FAM163A: variants seen among roughly 807,000 people sequenced by gnomAD.
The protein encoded by FAM163A is protein FAM163A.
FAM163A carries 7 observed loss-of-function variants against 12.0 expected under a neutral mutation model. That is an observed-to-expected ratio of 0.58 (90% CI 0.33 to 1.10). The LOEUF (loss-of-function observed/expected upper bound fraction) is 1.10. FAM163A is among the 50% of genes least tolerant of loss of function. The pLI is 0.03. For synonymous variants in FAM163A, 101 were observed against 91.0 expected (o/e 1.11, Z -0.62); for missense variants, 202 against 218.6 (o/e 0.92, Z 0.48).
chr1:179,744,458 G>T (rs1273560812), intron 1 of FAM163A, among the ~76,000 whole-genome samples: 1 of 152,136 alleles, frequency 6.6e-6, no homozygotes, highest in Non-Finnish European at 1.5e-5. Flanking sequence ...CCGCGCGCCG[G>T]GGCCCTGGGT....
At chr1:179,761,922 T>G (rs961766876) in intron 1 of FAM163A, among the ~76,000 whole-genome samples, 1 of 152,162 alleles carries the variant, frequency 6.6e-6, no homozygotes, top group Non-Finnish European at 1.5e-5. Flanking sequence ...ATTTTAGAGC[T>G]GTTGAAACGG....
At chr1:179,789,418 G>C (rs560413359) in intron 1 of FAM163A, among the ~76,000 whole-genome samples, 3 of 152,228 alleles carry the variant, frequency 2.0e-5, no homozygotes, top group Non-Finnish European at 4.4e-5. Flanking sequence ...CTGACCTCAG[G>C]TGATCTGCCC....
intron 1 of FAM163A, among the ~76,000 whole-genome samples, chr1:179,772,091 A>G (rs1041074875): frequency 3.3e-5 from 5 of 151,996 alleles, no homozygotes; most frequent in Admixed American, 6.6e-5. Flanking sequence ...TTGCATTTCA[A>G]TTTCACTGAA....
intron 1 of FAM163A, among the ~76,000 whole-genome samples, chr1:179,755,252 C>A (rs1392277852): frequency 6.6e-6 from 1 of 151,836 alleles, no homozygotes; most frequent in Non-Finnish European, 1.5e-5. Context: ...GGGTTATAAC[C>A]AAGATTCACT....
chr1:179,727,861 CACTG>C, the FAM163A span, among the ~76,000 whole-genome samples: 1 of 152,122 alleles, frequency 6.6e-6, no homozygotes, highest in Non-Finnish European at 1.5e-5. Context: ...TGGTGTCAAA[CACTG>C]ACAAAATATT....
chr1:179,798,232 G>GCCTGGGCC (rs1692644709), intron 1 of FAM163A, among the ~76,000 whole-genome samples: 1 of 151,348 alleles, frequency 6.6e-6, no homozygotes, highest in Non-Finnish European at 1.5e-5. Context: ...AAAAAAAAAA[G>GCCTGGGCC]AATATAAGGC....
chr1:179,739,450 T>C (rs570561744), upstream of FAM163A, among the ~76,000 whole-genome samples: 5 of 152,360 alleles, frequency 3.3e-5, 1 homozygote, highest in African/African-American at 1.2e-4. Context: ...CATGGCCCAC[T>C]GGCCACAAGC....
intron 1 of FAM163A, among the ~76,000 whole-genome samples, chr1:179,793,415 AT>A (rs1691807208): frequency 6.6e-6 from 1 of 152,242 alleles, no homozygotes; most frequent in African/African-American, 2.4e-5. Context: ...CTCATCATCT[AT>A]CTACCTAGTG....
At chr1:179,791,363 G>A (rs1433050680) in intron 1 of FAM163A, among the ~76,000 whole-genome samples, 2 of 152,148 alleles carry the variant, frequency 1.3e-5, no homozygotes, top group African/African-American at 4.8e-5. Flanking sequence ...ACCCAAAGCT[G>A]CTTCCCGGGC....
At chr1:179,732,862 C>G in the FAM163A span, among the ~76,000 whole-genome samples, 8 of 108,838 alleles carry the variant, frequency 7.4e-5, no homozygotes, top group Admixed American at 2.9e-4. Flanking sequence ...GCCTGGGCAA[C>G]AGAGTGAGAC....
Position 179,753,792 on chromosome 1 carries a change from T to A in FAM163A, c.-136+10369T>A, listed in dbSNP as rs192374846. ...GTGTGATGAGCACTAGGAGAAAGAC[T>A]CGGTGAAGAGAGAAAGGGTGAGGAC... is the stretch of plus-strand genomic sequence containing the variant. On this transcript the variant is annotated intron_variant, in intron 1 of 4. Transcript: ENST00000341785. Among the ~76,000 whole-genome samples the A allele has an allele frequency of 3.3e-5, 5 of 152,258 alleles. No homozygotes were observed. The East Asian group carries it at 9.7e-4, about 29-fold the overall frequency.
chr1:179,739,561 TGTTA>T (rs1683394127), upstream of FAM163A, among the ~76,000 whole-genome samples: 1 of 152,166 alleles, frequency 6.6e-6, no homozygotes, highest in Non-Finnish European at 1.5e-5. Flanking sequence ...CATCAGCTGT[TGTTA>T]GTGTTTTTTA....
chr1:179,770,545 T>A (rs1688139172), intron 1 of FAM163A, among the ~76,000 whole-genome samples: 1 of 152,158 alleles, frequency 6.6e-6, no homozygotes, highest in Admixed American at 6.5e-5. Flanking sequence ...TCCAGTCTCA[T>A]TTTTCATCTC....
chr1:179,770,262 G>T (rs1382824051), intron 1 of FAM163A, among the ~76,000 whole-genome samples: 1 of 151,992 alleles, frequency 6.6e-6, no homozygotes, highest in East Asian at 1.9e-4. Context: ...GATTGAATTT[G>T]CCTCCTAAAT....
At chr1:179,805,544 CAA>C (rs201616237) in intron 1 of FAM163A, among the ~76,000 whole-genome samples, 4 of 127,112 alleles carry the variant, frequency 3.1e-5, no homozygotes, top group Non-Finnish European at 1.7e-5. Flanking sequence ...AACTCCGTCT[CAA>C]AAAAAAAAAA....
At chr1:179,811,409 T>C (rs1259419259) in intron 2 of FAM163A, among the ~76,000 whole-genome samples, 20 of 151,470 alleles carry the variant, frequency 1.3e-4, no homozygotes, top group Admixed American at 1.3e-3. Context: ...ATTTGAGGAG[T>C]TTAAATTCTG....
At chr1:179,772,728 C>T (rs1420134465) in intron 1 of FAM163A, among the ~76,000 whole-genome samples, 8 of 151,946 alleles carry the variant, frequency 5.3e-5, no homozygotes, top group Non-Finnish European at 5.9e-5. Context: ...AGGAGTTTGG[C>T]CATGGACAGT....
Position 179,814,236 on chromosome 1 carries a change from G to A in FAM163A, c.*47G>A, listed in dbSNP as rs1695101769. 8 of 1,534,118 alleles carry A rather than the reference G, an allele frequency of 5.2e-6. No individual in the cohort carries two copies. Among genetic ancestry groups the A allele is most frequent in the African/African-American group, 1.4e-5 (1 of 72,344 alleles). On this transcript the variant is annotated 3_prime_UTR_variant, in exon 5 of 5. Transcript: ENST00000341785. ...CACACACCCACACTGCTGCCCTGGC[G>A]GGGGCCATGGGGGTGATGAATGACC...
chr1:179,761,285 T>G (rs1429226715), intron 1 of FAM163A, among the ~76,000 whole-genome samples: 1 of 152,244 alleles, frequency 6.6e-6, no homozygotes, highest in Non-Finnish European at 1.5e-5. Flanking sequence ...ATTTTTCTAA[T>G]ACACAAGTAT....
Sources: allele counts gnomAD v4.1 joint callset (sites outside exome capture counted in the v4.1 genomes callset), GRCh38; gene constraint gnomAD v4.1.1; transcripts MANE v1.5; gene names NCBI Gene and HGNC (gene_info 2026-07-23, HGNC 2026-07-21).